GALNT13: variants seen among roughly 807,000 people sequenced by gnomAD.
GALNT13 encodes UDP-GalNAc:polypeptide N-acetylgalactosaminyltransferase 13.
A neutral mutation model predicts 64.2 loss-of-function variants in GALNT13; 28 were observed. The observed-to-expected ratio is 0.44, with a 90% CI of 0.32 to 0.60. The LOEUF (loss-of-function observed/expected upper bound fraction) is 0.60. Among genes scored for constraint, GALNT13 ranks in the 20% least tolerant of loss-of-function variants. The pLI is 0.05. For synonymous variants in GALNT13, 214 were observed against 224.6 expected (o/e 0.95, Z 0.42); for missense variants, 577 against 669.8 (o/e 0.86, Z 1.53).
chr2:153,998,483 A>G (rs1695672889), intron 3 of GALNT13, among the ~76,000 whole-genome samples: 1 of 151,990 alleles, frequency 6.6e-6, no homozygotes. Flanking sequence ...CACTTTTTTG[A>G]TAGAATTGTT....
the GALNT13 span, among the ~76,000 whole-genome samples, chr2:153,835,640 A>G: frequency 6.6e-6 from 1 of 152,090 alleles, no homozygotes; most frequent in Non-Finnish European, 1.5e-5. Flanking sequence ...AAATATAGAA[A>G]TACTTTGATA....
intron 3 of GALNT13, among the ~76,000 whole-genome samples, chr2:153,961,844 T>A (rs1251073287): frequency 6.6e-6 from 1 of 152,174 alleles, no homozygotes; most frequent in African/African-American, 2.4e-5. Context: ...ATTATTGTAA[T>A]TAAAGGGCCA....
chr2:154,319,174 T>C (rs1694487008), intron 9 of GALNT13, among the ~76,000 whole-genome samples: 1 of 152,148 alleles, frequency 6.6e-6, no homozygotes, highest in Non-Finnish European at 1.5e-5. Context: ...ATTAAGAAAA[T>C]AGAATAGGAA....
rs141530933 is a variant in GALNT13, at chr2:153,950,238, A to G, written c.142+5599A>G. Among the ~76,000 whole-genome samples, 992 of 152,020 alleles carry G rather than the reference A, an allele frequency of 6.5e-3. 8 individuals carry two copies. The highest frequency in any genetic ancestry group is 0.022 in the African/African-American group (919 of 41,538). ...CTTGATTGTTATATATATCAAGTAT[A>G]TATAAAATTTTTTCTATAATTAATA... On this transcript the variant is annotated intron_variant, in intron 3 of 12. Coordinates refer to ENST00000392825, the MANE Select transcript of GALNT13 (RefSeq NM_052917.4).
At chr2:154,048,221 G>A (rs1558929634) in intron 3 of GALNT13, among the ~76,000 whole-genome samples, 1 of 152,196 alleles carries the variant, frequency 6.6e-6, no homozygotes, top group East Asian at 1.9e-4. Flanking sequence ...ACAGCACTAG[G>A]GGATGGTGTT....
At chr2:154,352,637 G>C (rs1696476190) in intron 9 of GALNT13, among the ~76,000 whole-genome samples, 1 of 152,102 alleles carries the variant, frequency 6.6e-6, no homozygotes, top group African/African-American at 2.4e-5. Context: ...AGTTAGTCAG[G>C]CTCCATAGCT....
chr2:153,171,362 G>T, the GALNT13 span, among the ~76,000 whole-genome samples: 1 of 152,014 alleles, frequency 6.6e-6, no homozygotes, highest in Admixed American at 6.6e-5. Flanking sequence ...AAAAGCATGT[G>T]ACATAAAATT....
At chr2:153,461,930 G>A in the GALNT13 span, among the ~76,000 whole-genome samples, 1 of 152,070 alleles carries the variant, frequency 6.6e-6, no homozygotes, top group Non-Finnish European at 1.5e-5. Context: ...TATTATGAGA[G>A]CTCTTTCTAT....
chr2:153,705,535 T>G, the GALNT13 span, among the ~76,000 whole-genome samples: 6 of 152,200 alleles, frequency 3.9e-5, no homozygotes, highest in Non-Finnish European at 7.3e-5. Flanking sequence ...CTGGGTTTGT[T>G]GGGTTTGGCT....
At chr2:154,298,872 A>T (rs1275891919) in intron 8 of GALNT13, among the ~76,000 whole-genome samples, 1 of 127,814 alleles carries the variant, frequency 7.8e-6, no homozygotes, top group Admixed American at 9.3e-5. Flanking sequence ...TTATATATAC[A>T]TTATATATTA....
At chr2:153,779,754 A>G in the GALNT13 span, among the ~76,000 whole-genome samples, 6 of 152,166 alleles carry the variant, frequency 3.9e-5, no homozygotes, top group African/African-American at 7.2e-5. Flanking sequence ...CACAGTTTTC[A>G]TAAAACATCT....
At chr2:154,010,568 C>T (rs547033696) in intron 3 of GALNT13, among the ~76,000 whole-genome samples, 1 of 152,138 alleles carries the variant, frequency 6.6e-6, no homozygotes, top group Non-Finnish European at 1.5e-5. Flanking sequence ...TGTGTCTCTT[C>T]CAGCATTTCA....
chr2:153,811,696 C>T, the GALNT13 span, among the ~76,000 whole-genome samples: 1 of 152,128 alleles, frequency 6.6e-6, no homozygotes, highest in Non-Finnish European at 1.5e-5. Context: ...CCTTGTGGCT[C>T]CTTATTTAGA....
chr2:153,785,064 G>T, the GALNT13 span, among the ~76,000 whole-genome samples: 1 of 152,158 alleles, frequency 6.6e-6, no homozygotes, highest in Admixed American at 6.5e-5. Flanking sequence ...TTTCCAGCCA[G>T]CAGCAGTTCC....
the GALNT13 span, among the ~76,000 whole-genome samples, chr2:153,705,218 G>C: frequency 1.3e-5 from 2 of 152,024 alleles, no homozygotes; most frequent in African/African-American, 4.8e-5. Context: ...TTGAAATATG[G>C]CTCCACTGAC....
At chr2:153,426,721 A>G in the GALNT13 span, among the ~76,000 whole-genome samples, 1 of 151,926 alleles carries the variant, frequency 6.6e-6, no homozygotes, top group Non-Finnish European at 1.5e-5. Context: ...ACTTGAGGTA[A>G]GCCTGTTTCA....
At chr2:153,268,724 C>T in the GALNT13 span, among the ~76,000 whole-genome samples, 2 of 152,260 alleles carry the variant, frequency 1.3e-5, no homozygotes, top group African/African-American at 4.8e-5. Context: ...TCCATACATC[C>T]TCTGAAATCT....
chr2:153,816,549 C>G, the GALNT13 span, among the ~76,000 whole-genome samples: 2 of 151,956 alleles, frequency 1.3e-5, no homozygotes, highest in African/African-American at 4.8e-5. Flanking sequence ...ATTTTCTGAT[C>G]CATTTATCAG....
At chr2:154,439,317 G>T (rs563196068) in intron 12 of GALNT13, among the ~76,000 whole-genome samples, 4 of 152,212 alleles carry the variant, frequency 2.6e-5, no homozygotes, top group East Asian at 3.9e-4. Flanking sequence ...TTTATCTCCA[G>T]GCAGTGTGTA....
Sources: gnomAD v4.1 joint callset for allele counts (sites outside exome capture counted in the v4.1 genomes callset) on GRCh38, gnomAD v4.1.1 for gene constraint, MANE v1.5 for transcripts, NCBI Gene and HGNC (gene_info 2026-07-23, HGNC 2026-07-21) for gene names.